Variants in NBAS observed in about 807,000 individuals in gnomAD.
The protein encoded by NBAS is NAG/BC035112 fusion.
In NBAS, 219 loss-of-function variants were observed where a neutral mutation model predicts 302.5. The observed-to-expected ratio is 0.72, with a 90% CI of 0.65 to 0.81. The LOEUF (loss-of-function observed/expected upper bound fraction) is 0.81. Ranked by LOEUF, NBAS falls within the 30% of genes least tolerant of loss-of-function variation. NBAS has a pLI of 0.00. For missense variants in NBAS, 2,932 were observed against 2,841.6 expected, an observed-to-expected ratio of 1.03 and a Z score of -0.72; for synonymous variants, 1,118 against 1,021.6, an observed-to-expected ratio of 1.09 and a Z score of -1.80.
chr2:15,180,973 G>T (rs951111700), intron 50 of NBAS, among the ~76,000 whole-genome samples: 7 of 152,120 alleles, frequency 4.6e-5, no homozygotes, highest in Admixed American at 4.6e-4. Flanking sequence ...AATGTCCCAG[G>T]TTAGCACTCA....
intron 51 of NBAS, 104 bp downstream of exon 51, chr2:15,178,884 T>C: frequency 1.3e-6 from 2 of 1,498,962 alleles, no homozygotes; most frequent in Non-Finnish European, 1.8e-6. Flanking sequence ...GATATAGTAG[T>C]CTTCAATTAA....
At chr2:15,178,445 A>T (rs1664658541) in intron 51 of NBAS, among the ~76,000 whole-genome samples, 1 of 152,230 alleles carries the variant, frequency 6.6e-6, no homozygotes, top group Non-Finnish European at 1.5e-5. Context: ...TAACAAGGCA[A>T]CAGGCCTTGA....
rs190833819 is a variant in NBAS, at chr2:15,433,503, T to C, written c.2340-5709A>G. On this transcript the variant is annotated intron_variant, in intron 21 of 51. Coordinates refer to ENST00000281513, the MANE Select transcript of NBAS (RefSeq NM_015909.4). Reference sequence around the variant, plus strand: ...CTTTATGATAAACAATAGCATCATATTAATAATTATATCAATGATTACATT... The same window carrying C: ...CTTTATGATAAACAATAGCATCATACTAATAATTATATCAATGATTACATT... 3.5e-3 allele frequency among the ~76,000 whole-genome samples: 539 copies of C among 152,316 alleles called. 3 individuals carry two copies. The highest frequency in any genetic ancestry group is 0.016 in the South Asian group (77 of 4,828).
At chr2:15,266,467 T>G (rs1475214814) in intron 44 of NBAS, among the ~76,000 whole-genome samples, 1 of 152,048 alleles carries the variant, frequency 6.6e-6, no homozygotes, top group Non-Finnish European at 1.5e-5. Context: ...TCCTCAAATC[T>G]CTCCTGCTAT....
At chr2:14,818,112 T>G in the NBAS span, among the ~76,000 whole-genome samples, 1 of 152,072 alleles carries the variant, frequency 6.6e-6, no homozygotes, top group Non-Finnish European at 1.5e-5. Context: ...CTGTCTCTGC[T>G]CCATCTGTTT....
At chr2:15,442,726 A>G (rs1398148166) in intron 21 of NBAS, among the ~76,000 whole-genome samples, 4 of 152,054 alleles carry the variant, frequency 2.6e-5, no homozygotes, top group African/African-American at 9.7e-5. Context: ...TAGTTTTTTG[A>G]AAGGATCAAC....
the NBAS span, among the ~76,000 whole-genome samples, chr2:15,065,086 T>G: frequency 6.6e-6 from 1 of 152,020 alleles, no homozygotes; most frequent in Non-Finnish European, 1.5e-5. Flanking sequence ...TAGAAAAAAT[T>G]TACCTCAACA....
At chr2:15,036,600 G>C in the NBAS span, among the ~76,000 whole-genome samples, 1 of 152,302 alleles carries the variant, frequency 6.6e-6, no homozygotes, top group African/African-American at 2.4e-5. Context: ...TCAAGATCAT[G>C]AATGCTGTAC....
At chr2:15,348,857 C>A (rs1336324071) in intron 35 of NBAS, among the ~76,000 whole-genome samples, 4 of 152,130 alleles carry the variant, frequency 2.6e-5, no homozygotes. Context: ...CCTCCAGTGA[C>A]CGGACAATAC....
At chr2:15,388,160 C>A (rs1675403607) in intron 28 of NBAS, among the ~76,000 whole-genome samples, 1 of 152,116 alleles carries the variant, frequency 6.6e-6, no homozygotes, top group Non-Finnish European at 1.5e-5. Flanking sequence ...GGTATTCCTC[C>A]ATTTCTTCAG....
the NBAS span, among the ~76,000 whole-genome samples, chr2:14,995,232 C>T: frequency 6.6e-6 from 1 of 152,034 alleles, no homozygotes. Context: ...CACAACAGGC[C>T]CCAGTGTGTG....
At chr2:14,876,388 A>ACT in the NBAS span, among the ~76,000 whole-genome samples, 2 of 151,986 alleles carry the variant, frequency 1.3e-5, no homozygotes, top group Middle Eastern at 3.2e-3. Context: ...TTATGTCTCC[A>ACT]CTCTAACAGA....
At chr2:15,371,503 T>C (rs1674484430) in intron 31 of NBAS, among the ~76,000 whole-genome samples, 1 of 152,234 alleles carries the variant, frequency 6.6e-6, no homozygotes. Context: ...ACAAGGTTTC[T>C]CCAGATATAA....
At chr2:15,484,901 T>C (rs1411865555) in intron 12 of NBAS, among the ~76,000 whole-genome samples, 2 of 152,164 alleles carry the variant, frequency 1.3e-5, no homozygotes, top group African/African-American at 2.4e-5. Context: ...CTGTTACACA[T>C]AGGCTTTATT....
chr2:15,045,896 A>T, the NBAS span, among the ~76,000 whole-genome samples: 1 of 152,184 alleles, frequency 6.6e-6, no homozygotes. Context: ...TTGAAGACAA[A>T]GGTTTGTAGA....
chr2:15,268,905 G>T (rs1669194854), intron 44 of NBAS, among the ~76,000 whole-genome samples: 1 of 152,188 alleles, frequency 6.6e-6, no homozygotes, highest in Non-Finnish European at 1.5e-5. Context: ...AGGCATGATA[G>T]AAATATTTCT....
intron 35 of NBAS, among the ~76,000 whole-genome samples, chr2:15,351,308 A>G (rs553696238): frequency 2.0e-5 from 3 of 152,286 alleles, no homozygotes; most frequent in East Asian, 1.9e-4. Context: ...AACAAAAACA[A>G]AAGTCACAAA....
the NBAS span, among the ~76,000 whole-genome samples, chr2:14,986,501 C>T: frequency 1.3e-5 from 2 of 152,080 alleles, no homozygotes; most frequent in Non-Finnish European, 2.9e-5. Flanking sequence ...TATTACATTT[C>T]ATTAGTCTCT....
the NBAS span, among the ~76,000 whole-genome samples, chr2:15,156,143 G>A: frequency 1.3e-5 from 2 of 152,112 alleles, no homozygotes; most frequent in African/African-American, 4.8e-5. Flanking sequence ...AGCTAGCCTA[G>A]GTAAGAGAAG....
Sources: allele counts gnomAD v4.1 joint callset (sites outside exome capture counted in the v4.1 genomes callset), GRCh38; gene constraint gnomAD v4.1.1; transcripts MANE v1.5; gene names NCBI Gene and HGNC (gene_info 2026-07-23, HGNC 2026-07-21).